MIER2: variants seen among roughly 807,000 people sequenced by gnomAD.
MIER2 encodes the protein mesoderm induction early response protein 2.
Under a neutral mutation model 67.6 loss-of-function variants are expected in MIER2, and 30 were observed. The ratio of observed to expected loss-of-function variants is 0.44; its 90% CI spans 0.33 to 0.60. MIER2 has a LOEUF of 0.60. Ranked by LOEUF, MIER2 falls within the 20% of genes least tolerant of loss-of-function variation. The pLI, the probability that MIER2 is intolerant of heterozygous loss-of-function variation, is 0.02. For synonymous variants in MIER2, 372 were observed against 312.6 expected (o/e 1.19, Z -2.00); for missense variants, 702 against 745.1 (o/e 0.94, Z 0.67).
intron 1 of MIER2, among the ~76,000 whole-genome samples, chr19:341,247 G>A (rs941293563): frequency 6.6e-6 from 1 of 152,168 alleles, no homozygotes; most frequent in Non-Finnish European, 1.5e-5. Flanking sequence ...GATGGCAGGC[G>A]ACCACATCAA....
chr19:310,785 C>T (rs947415330), intron 10 of MIER2, among the ~76,000 whole-genome samples: 3 of 149,382 alleles, frequency 2.0e-5, no homozygotes, highest in Non-Finnish European at 3.0e-5. Context: ...AAACACGGCC[C>T]AGAGTCCAGA....
At position 306,390 on chromosome 19, in the gene MIER2, C is replaced by A; in HGVS notation, c.*300G>T. On this transcript the variant is annotated 3_prime_UTR_variant, in exon 14 of 14. Transcript: ENST00000264819. ...TGGCCGGCTCTGCCCTGCGTCCCAA[C>A]GGCGGGGTCTCTTCTGTCCCCGGCT... 16 of 544,542 alleles carry A rather than the reference C, an allele frequency of 2.9e-5. 1 individual carries two copies. In the South Asian group the frequency reaches 3.5e-4, roughly 12 times the overall value. The allele number at this position is 544,542 out of a possible 1,614,324, so 33.7% of individuals were successfully genotyped here. A position where few individuals can be genotyped will look rare whatever the true frequency, so the allele number is the denominator to read the frequency against.
intron 5 of MIER2, chr19:326,910 T>C: frequency 6.6e-6 from 4 of 608,974 alleles, no homozygotes; most frequent in South Asian, 2.4e-5. Flanking sequence ...GGAACCAACA[T>C]GTTCCCTACT....
intron 1 of MIER2, among the ~76,000 whole-genome samples, chr19:340,273 G>C (rs1202392003): frequency 6.6e-6 from 1 of 152,138 alleles, no homozygotes; most frequent in Non-Finnish European, 1.5e-5. Context: ...TAGTACAGTT[G>C]ACCCTTGAAC....
chr19:312,051 G>A, intron 9 of MIER2, 112 bp from the exon 10 acceptor site: 1 of 1,247,060 alleles, frequency 8.0e-7, no homozygotes, highest in Non-Finnish European at 1.1e-6. Flanking sequence ...GGCCGCAGCG[G>A]AAGGAAGGCC....
chr19:329,958 C>T (rs750895225), intron 3 of MIER2, among the ~76,000 whole-genome samples: 5 of 151,136 alleles, frequency 3.3e-5, no homozygotes, highest in Admixed American at 1.3e-4. Flanking sequence ...GCTGTGAGGG[C>T]GTGGGAAGCA....
intron 8 of MIER2, 117 bp downstream of exon 8, chr19:313,375 C>T: frequency 1.3e-6 from 2 of 1,492,366 alleles, no homozygotes; most frequent in South Asian, 2.6e-5. Context: ...GGCCCCCACA[C>T]ACCTGACCCC....
intron 3 of MIER2, among the ~76,000 whole-genome samples, chr19:330,600 A>T (rs1249217836): frequency 6.6e-6 from 1 of 152,034 alleles, no homozygotes; most frequent in Non-Finnish European, 1.5e-5. Flanking sequence ...TGGTGATATC[A>T]ACTGTTACAG....
rs1353057897 is a variant in MIER2, at chr19:308,969, G to A, written c.985-44C>T. 1.9e-6 allele frequency: 3 copies of A among 1,577,280 alleles called. No individual in the cohort carries two copies. Among genetic ancestry groups the A allele is most frequent in the East Asian group, 2.3e-5 (1 of 44,000 alleles). ...AGCCATCTCTGTCCCCGGCTGCCCA[G>A]CCCCAGCACCTGCACCACGATCCCA... On this transcript the variant is annotated intron_variant, in intron 10 of 13. Transcript: ENST00000264819. This position sits in a 1 kb window ranked among gnomAD's most constrained non-coding sequence, Gnocchi z 9.1.
rs143111421 is a variant in MIER2, at chr19:314,915, A to G, written c.656-1272T>C. On this transcript the variant is annotated intron_variant, in intron 7 of 13. Transcript: ENST00000264819. The stretch of plus-strand genomic sequence containing the variant: ...ACTCGCACACTCCATCTCTACAAAA[A>G]ATTTCAAATGTAGTACAGGCACGTC... 3.3e-4 allele frequency among the ~76,000 whole-genome samples: 50 copies of G among 151,728 alleles called. No individual in the cohort carries two copies. In the East Asian group the frequency reaches 6.8e-3, roughly 21 times the overall value.
chr19:333,856 TTTTG>T (rs1297554143), intron 3 of MIER2, among the ~76,000 whole-genome samples: 2 of 151,014 alleles, frequency 1.3e-5, no homozygotes, highest in East Asian at 2.0e-4. Context: ...GCCCGGCTAA[TTTTG>T]TTTTTGTATT....
intron 1 of MIER2, chr19:344,189 C>A: frequency 2.0e-6 from 2 of 985,432 alleles, no homozygotes; most frequent in Non-Finnish European, 2.4e-6. Context: ...CCCCGGCAGA[C>A]CCACCCACCC....
At chr19:306,844 G>C (rs1414346943) in intron 13 of MIER2, 133 bp from the exon 14 acceptor site, 14 of 1,406,070 alleles carry the variant, frequency 1.0e-5, no homozygotes, top group Non-Finnish European at 1.4e-5. Context: ...CCGGGCCCGG[G>C]GTGCCCTGAG....
intron 1 of MIER2, among the ~76,000 whole-genome samples, chr19:338,352 A>G (rs754487807): frequency 3.9e-5 from 6 of 152,206 alleles, no homozygotes; most frequent in African/African-American, 7.2e-5. Flanking sequence ...ACAAATACAA[A>G]AAGAACAATT....
intron 7 of MIER2, among the ~76,000 whole-genome samples, chr19:320,288 C>G (rs376902678): frequency 6.6e-6 from 1 of 151,894 alleles, no homozygotes; most frequent in African/African-American, 2.4e-5. Context: ...GACTGCAGCA[C>G]GAGAATCACT....
intron 3 of MIER2, 43 bp from the exon 4 acceptor site, chr19:328,032 T>G (rs1182090200): frequency 1.9e-6 from 3 of 1,606,040 alleles, no homozygotes; most frequent in Non-Finnish European, 2.5e-6. Context: ...GAGGGACGGC[T>G]CTGGGGGTTC....
rs1419595772 is a variant in MIER2, at chr19:327,212, C to T, written c.414G>A (p.Glu138=). The change falls in exon 5 of 14, where the codon GAG becomes GAA. Residue 138 remains glutamate, a synonymous_variant. Coordinates refer to ENST00000264819, the MANE Select transcript of MIER2 (RefSeq NM_017550.3). ...TGAGGTCGTCAGCAGATGATTGCGT[C>T]TCTTCCTCTTCTTCCCCTGAAAGCA... ...KDLLSGEEEE[E]TQSSADDLTP... is the part of the protein sequence containing the mutation. 19 of 1,588,178 alleles carry T rather than the reference C, an allele frequency of 1.2e-5. No homozygotes were observed. Among genetic ancestry groups the T allele is most frequent in the African/African-American group, 4.2e-5 (3 of 72,034 alleles).
chr19:327,912 A>T lies in MIER2; in HGVS notation c.321T>A (p.Ser107Arg). The T allele has an allele frequency of 6.2e-7, 1 of 1,611,876 alleles. No homozygotes were observed. The change falls in exon 4 of 14, where the codon AGT becomes AGA. Residue 107 changes from serine to arginine, a missense_variant. Ser to Arg is a moderately radical substitution (Grantham distance 110). This residue lies in a region of MIER2 where 320 missense variants were observed against 292.6 expected (regional missense o/e 1.09). Coordinates refer to ENST00000264819, the MANE Select transcript of MIER2 (RefSeq NM_017550.3). ...GGTTCGGGGCCACGTCACCACCCTC[A>T]CTCTCCCGGTCTGAAATGGGGTCTG... ...EASDPISDRE[S>R]EGGDVAPNLP...
At chr19:310,797 A>T (rs937386737) in intron 10 of MIER2, among the ~76,000 whole-genome samples, 1 of 150,178 alleles carries the variant, frequency 6.7e-6, no homozygotes, top group African/African-American at 2.5e-5. Flanking sequence ...GAGTCCAGAA[A>T]CACAGCCTGG....
Sources: allele counts gnomAD v4.1 joint callset (sites outside exome capture counted in the v4.1 genomes callset), GRCh38; gene constraint gnomAD v4.1.1; regional missense constraint gnomAD v4.1.1; non-coding constraint Gnocchi (gnomAD v3.1); transcripts MANE v1.5; gene names NCBI Gene and HGNC (gene_info 2026-07-23, HGNC 2026-07-21).